Variants in JMJD1C observed in about 807,000 individuals in gnomAD.
JMJD1C encodes the protein jumonji domain-containing protein 1C.
In JMJD1C, 31 loss-of-function variants were observed where a neutral mutation model predicts 245.3. The ratio of observed to expected loss-of-function variants is 0.13; its 90% confidence interval spans 0.09 to 0.17. The LOEUF is 0.17. JMJD1C is among the 10% of genes least tolerant of loss of function. JMJD1C has a pLI of 1.00. For missense variants in JMJD1C, 2,691 were observed against 3,000.2 expected (o/e 0.90, Z 2.41); for synonymous variants, 1,057 against 1,017.4 (o/e 1.04, Z -0.74).
chr10:63,482,870 C>A (rs1953872555), intron 1 of JMJD1C, among the ~76,000 whole-genome samples: 1 of 152,136 alleles, frequency 6.6e-6, no homozygotes, highest in South Asian at 2.1e-4. Flanking sequence ...AGGAAGCACT[C>A]AATTAACTAT....
At chr10:63,183,985 TG>T (rs1843792488) in intron 21 of JMJD1C, among the ~76,000 whole-genome samples, 1 of 152,190 alleles carries the variant, frequency 6.6e-6, no homozygotes, top group Non-Finnish European at 1.5e-5. Flanking sequence ...TGGAGTGCAG[TG>T]GCATGATCTC....
At chr10:63,420,134 CAA>C (rs35888793) in intron 1 of JMJD1C, among the ~76,000 whole-genome samples, 4 of 135,444 alleles carry the variant, frequency 3.0e-5, no homozygotes, top group African/African-American at 2.8e-5. Context: ...GACGCTGTCT[CAA>C]AAAAAAAAAA....
chr10:63,255,347 G>A (rs536204430), intron 3 of JMJD1C, among the ~76,000 whole-genome samples: 15 of 152,184 alleles, frequency 9.9e-5, no homozygotes, highest in African/African-American at 3.4e-4. Context: ...GATTTAAAAG[G>A]TCTTGTAAAG....
chr10:63,517,949 T>C (rs1409319631), intron 1 of JMJD1C, among the ~76,000 whole-genome samples: 1 of 152,098 alleles, frequency 6.6e-6, no homozygotes, highest in East Asian at 1.9e-4. Flanking sequence ...TGCACCATCA[T>C]GCCCAGCTAA....
In JMJD1C at chr10:63,215,591, G is replaced by T; in HGVS notation, c.784C>A (p.Arg262Ser). ...KGENIGITSR[R>S]RSRANQNVNA... Reference sequence around the variant, plus strand: ...ACGTTTTGATTGGCACGAGACCTGCGTCGTGATGTAATGCCAATATTTTCA... The same window carrying T: ...ACGTTTTGATTGGCACGAGACCTGCTTCGTGATGTAATGCCAATATTTTCA... The change falls in exon 6 of 26, where the codon CGC (arginine) becomes AGC (serine). Residue 262 changes from arginine (R) to serine (S), a missense_variant. By Grantham distance (110) the Arg-to-Ser change is moderately radical. Coordinates refer to ENST00000399262, the MANE Select transcript of JMJD1C (RefSeq NM_032776.3). 1 of 1,610,794 alleles carries T rather than the reference G, an allele frequency of 6.2e-7. No homozygotes were observed. Among genetic ancestry groups the T allele is most frequent in the Non-Finnish European group, 8.5e-7 (1 of 1,177,178 alleles).
chr10:63,472,604 T>C (rs1314014274), intron 1 of JMJD1C, among the ~76,000 whole-genome samples: 2 of 152,158 alleles, frequency 1.3e-5, no homozygotes, highest in African/African-American at 4.8e-5. Context: ...AGTGCTGGGA[T>C]TGCAGGCATG....
At position 63,194,302 on chromosome 10, in the gene JMJD1C, T is replaced by C. The variant is rs1489781726; in HGVS notation, c.5718A>G (p.Gln1906=). The change falls in exon 14 of 26, where the codon CAA becomes CAG. Residue 1906 remains glutamine, a synonymous_variant. Coordinates refer to ENST00000399262, the MANE Select transcript of JMJD1C (RefSeq NM_032776.3). The part of the protein sequence containing the change: ...PHDHKHLMPT[Q]IIPGSVLTDL... ...TATACTTACCAGAACCAGGTATAAT[T>C]TGGGTTGGCATTAAATGTTTGTGAT... 1 of 1,609,802 alleles carries C rather than the reference T, an allele frequency of 6.2e-7. No homozygotes were observed. Among genetic ancestry groups the C allele is most frequent in the Admixed American group, 1.7e-5 (1 of 59,998 alleles).
intron 1 of JMJD1C, among the ~76,000 whole-genome samples, chr10:63,420,675 T>C (rs1950069659): frequency 7.0e-6 from 1 of 142,152 alleles, no homozygotes; most frequent in Non-Finnish European, 1.5e-5. Context: ...CAATGAGCCA[T>C]CTTTGCCCCA....
At chr10:63,403,651 T>G (rs948624006) in intron 1 of JMJD1C, among the ~76,000 whole-genome samples, 1 of 152,176 alleles carries the variant, frequency 6.6e-6, no homozygotes, top group Non-Finnish European at 1.5e-5. Flanking sequence ...AAAAGAATGA[T>G]GTACAGGCCA....
intron 11 of JMJD1C, among the ~76,000 whole-genome samples, chr10:63,199,085 C>T (rs187603024): frequency 1.1e-3 from 168 of 152,186 alleles, no homozygotes; most frequent in African/African-American, 3.8e-3. Context: ...TAATCTAAAT[C>T]GGAATCACCA....
intron 21 of JMJD1C, 149 bp downstream of exon 21, chr10:63,184,459 G>T (rs1843877781): frequency 1.4e-5 from 9 of 621,342 alleles, no homozygotes; most frequent in Admixed American, 6.7e-5. Flanking sequence ...GACCAGGATG[G>T]TCTCAATCTC....
chr10:63,378,909 A>G (rs546800409), intron 2 of JMJD1C, among the ~76,000 whole-genome samples: 71 of 152,116 alleles, frequency 4.7e-4, no homozygotes, highest in Non-Finnish European at 7.1e-4. Flanking sequence ...TATCTTCTTT[A>G]GTTTGCTATG....
chr10:63,235,224 G>T (rs141958108), intron 3 of JMJD1C, among the ~76,000 whole-genome samples: 2,599 of 152,200 alleles, frequency 0.017, 27 homozygotes, highest in Non-Finnish European at 0.027. Context: ...AGCCGGGCAC[G>T]GTGGCTCATG....
chr10:63,222,653 C>G (rs995243202), intron 3 of JMJD1C: 25 of 1,541,388 alleles, frequency 1.6e-5, no homozygotes, highest in Non-Finnish European at 2.2e-5. Context: ...AAATAGAGAT[C>G]GGTGTGTAGA....
Position 63,345,148 on chromosome 10 carries a change from T to C in JMJD1C, c.333+35170A>G, listed in dbSNP as rs574385692. On this transcript the variant is annotated intron_variant, in intron 2 of 25. Coordinates refer to ENST00000399262, the MANE Select transcript of JMJD1C (RefSeq NM_032776.3). Reference sequence around the variant, plus strand: ...GGGTATCTGTTAGCGGGTGAATGGATAATCTAACTGTGGTATATCCATACA... The same window carrying C: ...GGGTATCTGTTAGCGGGTGAATGGACAATCTAACTGTGGTATATCCATACA... 2.6e-5 allele frequency among the ~76,000 whole-genome samples: 4 copies of C among 152,310 alleles called. No individual in the cohort carries two copies. The South Asian group carries it at 8.3e-4, about 32-fold the overall frequency.
intron 1 of JMJD1C, among the ~76,000 whole-genome samples, chr10:63,453,049 C>T (rs933061462): frequency 3.3e-5 from 5 of 152,024 alleles, no homozygotes; most frequent in African/African-American, 9.7e-5. Flanking sequence ...CTGAGGCAGG[C>T]GGATCACTTG....
intron 3 of JMJD1C, among the ~76,000 whole-genome samples, chr10:63,242,444 G>C (rs985322463): frequency 1.3e-5 from 2 of 152,086 alleles, no homozygotes; most frequent in African/African-American, 4.8e-5. Context: ...AAAGCAGGCC[G>C]GGCGTAGTGG....
chr10:63,450,223 T>A (rs555114294), intron 1 of JMJD1C, among the ~76,000 whole-genome samples: 1 of 152,144 alleles, frequency 6.6e-6, no homozygotes, highest in Admixed American at 6.5e-5. Flanking sequence ...TTTTTTTTTT[T>A]AGTTAAATGC....
intron 24 of JMJD1C, 44 bp downstream of exon 24, chr10:63,176,253 C>A (rs147597158): frequency 7.5e-4 from 1,080 of 1,447,442 alleles, no homozygotes; most frequent in Non-Finnish European, 9.5e-4. Context: ...AAAACTAGTT[C>A]TTTCAGTCAG....
Sources: gnomAD v4.1 joint callset for allele counts (sites outside exome capture counted in the v4.1 genomes callset) on GRCh38, gnomAD v4.1.1 for gene constraint, MANE v1.5 for transcripts, NCBI Gene and HGNC (gene_info 2026-07-23, HGNC 2026-07-21) for gene names.